Variants in SPIDR observed in about 807,000 individuals in gnomAD.
The protein encoded by SPIDR is DNA repair-scaffolding protein.
SPIDR carries 93 observed loss-of-function variants against 104.6 expected under a neutral mutation model. The observed-to-expected ratio is 0.89, with a 90% confidence interval of 0.75 to 1.06. The LOEUF is 1.06. SPIDR is among the 50% of genes least tolerant of loss of function. The pLI is 0.00. For synonymous variants in SPIDR, 431 were observed against 416.9 expected (o/e 1.03, Z -0.41); for missense variants, 1,154 against 1,111.2 (o/e 1.04, Z -0.55).
At chr8:47,299,214 C>T (rs2041536298) in intron 5 of SPIDR, among the ~76,000 whole-genome samples, 1 of 152,174 alleles carries the variant, frequency 6.6e-6, no homozygotes, top group Non-Finnish European at 1.5e-5. Context: ...CTCTTTGAAG[C>T]AATTGTGAAT....
chr8:47,690,730 A>G (rs1259686858), intron 11 of SPIDR, among the ~76,000 whole-genome samples: 4 of 152,146 alleles, frequency 2.6e-5, no homozygotes, highest in African/African-American at 9.7e-5. Context: ...GAGGCAGGAC[A>G]ATCACTTGAA....
intron 8 of SPIDR, among the ~76,000 whole-genome samples, chr8:47,510,461 C>A (rs2082146896): frequency 6.6e-6 from 1 of 152,004 alleles, no homozygotes; most frequent in Non-Finnish European, 1.5e-5. Context: ...AAATTATGTG[C>A]ATAAAGCATT....
chr8:47,263,574 C>T (rs1272012997), intron 1 of SPIDR, among the ~76,000 whole-genome samples: 4 of 152,234 alleles, frequency 2.6e-5, no homozygotes. Context: ...CCGCCTCGGC[C>T]TCCCAAAGTG....
At chr8:47,711,827 T>C (rs1001980718) in intron 14 of SPIDR, among the ~76,000 whole-genome samples, 2 of 152,342 alleles carry the variant, frequency 1.3e-5, no homozygotes, top group African/African-American at 4.8e-5. Flanking sequence ...ATATTACTTA[T>C]TCATACTTCC....
At position 47,679,033 on chromosome 8, in the gene SPIDR, C is replaced by T. The variant is rs2076781140; in HGVS notation, c.1685+5092C>T. ...TTTAACCCCCTTTTCCCTCACAGGCCAGTCTCATGCTGCACCCTCATTAAG... is the reference window on the plus strand; with the variant it reads ...TTTAACCCCCTTTTCCCTCACAGGCTAGTCTCATGCTGCACCCTCATTAAG... On this transcript the variant is annotated intron_variant, in intron 11 of 19. Transcript: ENST00000297423. 2.6e-5 allele frequency among the ~76,000 whole-genome samples: 4 copies of T among 152,124 alleles called. 1 individual carries two copies. The highest frequency in any genetic ancestry group is 7.2e-5 in the African/African-American group (3 of 41,430).
chr8:47,470,824 T>A (rs2075589758), intron 8 of SPIDR, among the ~76,000 whole-genome samples: 1 of 151,924 alleles, frequency 6.6e-6, no homozygotes, highest in African/African-American at 2.4e-5. Context: ...AAGCTCTGCC[T>A]CCTGGGTTCC....
intron 10 of SPIDR, among the ~76,000 whole-genome samples, chr8:47,608,301 A>G (rs2063210828): frequency 6.6e-6 from 1 of 152,226 alleles, no homozygotes. Context: ...GATGAATAAT[A>G]ATCCATTTTC....
At chr8:47,492,605 G>T (rs1182918916) in intron 8 of SPIDR, among the ~76,000 whole-genome samples, 2 of 151,946 alleles carry the variant, frequency 1.3e-5, no homozygotes, top group Non-Finnish European at 2.9e-5. Flanking sequence ...CTGAATCATT[G>T]CAATGGCCTT....
intron 7 of SPIDR, among the ~76,000 whole-genome samples, chr8:47,424,664 G>A (rs1338420499): frequency 1.3e-5 from 2 of 152,152 alleles, no homozygotes; most frequent in Admixed American, 6.5e-5. Flanking sequence ...TATACAGGAA[G>A]AGAGTAAAGA....
intron 14 of SPIDR, among the ~76,000 whole-genome samples, chr8:47,707,214 T>C (rs1275229261): frequency 1.3e-5 from 2 of 150,284 alleles, no homozygotes; most frequent in East Asian, 2.0e-4. Context: ...GATCGCTCCA[T>C]TGCACTCCAG....
At chr8:47,581,495 T>G (rs1177361748) in intron 8 of SPIDR, among the ~76,000 whole-genome samples, 1 of 152,144 alleles carries the variant, frequency 6.6e-6, no homozygotes, top group Non-Finnish European at 1.5e-5. Flanking sequence ...TTAAAAAATA[T>G]ACACCTGTAG....
chr8:47,277,707 C>T (rs369012183), intron 1 of SPIDR, among the ~76,000 whole-genome samples: 295 of 144,886 alleles, frequency 2.0e-3, no homozygotes, highest in African/African-American at 6.9e-3. Flanking sequence ...AGAGTCTCGC[C>T]TTGTTGCCCA....
intron 8 of SPIDR, among the ~76,000 whole-genome samples, chr8:47,567,438 C>T (rs949715746): frequency 6.6e-6 from 1 of 151,894 alleles, no homozygotes; most frequent in African/African-American, 2.4e-5. Flanking sequence ...AGGCAGGTCT[C>T]GAACTCCCGA....
chr8:47,295,945 G>A (rs1426624805), intron 5 of SPIDR, among the ~76,000 whole-genome samples: 6 of 151,988 alleles, frequency 3.9e-5, no homozygotes, highest in Non-Finnish European at 1.5e-5. Flanking sequence ...ACTCACCAAC[G>A]CTTGTTATCT....
In SPIDR at chr8:47,297,406, G is replaced by A. The variant is rs1554573497; in HGVS notation, c.525+3376G>A. ...TCCTTCTATACATAATGTGTTGACA[G>A]TTTTTATCATGAAATAATTTTGAGT... is the stretch of plus-strand genomic sequence containing the variant. On this transcript the variant is annotated intron_variant, in intron 5 of 19. Transcript: ENST00000297423. Among the ~76,000 whole-genome samples the A allele has an allele frequency of 7.2e-3, 1,099 of 152,096 alleles. 7 individuals carry two copies. The highest frequency in any genetic ancestry group is 0.011 in the Non-Finnish European group (737 of 67,982).
At chr8:47,299,168 A>T (rs2041524709) in intron 5 of SPIDR, among the ~76,000 whole-genome samples, 2 of 152,242 alleles carry the variant, frequency 1.3e-5, no homozygotes, top group Non-Finnish European at 2.9e-5. Context: ...GAGGTCCTTC[A>T]CGTCTCTTGT....
chr8:47,628,463 G>A (rs1012433768), intron 10 of SPIDR, among the ~76,000 whole-genome samples: 19 of 152,290 alleles, frequency 1.2e-4, no homozygotes, highest in African/African-American at 4.3e-4. Flanking sequence ...GCCAAAACTT[G>A]TTGAGCACCA....
chr8:47,406,830 C>T lies in SPIDR; in HGVS notation c.777-1031C>T, dbSNP rs555273982. ...ACGTAATGCTGGAGAAGTTTCTTAACCTCTCTCTAAATTCTGGTTTTATCA... is the reference window on the plus strand; with the variant it reads ...ACGTAATGCTGGAGAAGTTTCTTAATCTCTCTCTAAATTCTGGTTTTATCA... On this transcript the variant is annotated intron_variant, in intron 6 of 19. Transcript: ENST00000297423. Among the ~76,000 whole-genome samples, 13 of 152,254 alleles carry T rather than the reference C, an allele frequency of 8.5e-5. No individual in the cohort carries two copies. In the East Asian group the frequency reaches 1.4e-3, roughly 16 times the overall value.
chr8:47,683,954 G>A (rs112054831), intron 11 of SPIDR, among the ~76,000 whole-genome samples: 2,978 of 151,598 alleles, frequency 0.02, 83 homozygotes, highest in African/African-American at 0.064. Flanking sequence ...ATGAAACCCC[G>A]TCTATACTAA....
Sources: gnomAD v4.1 joint callset for allele counts (sites outside exome capture counted in the v4.1 genomes callset) on GRCh38, gnomAD v4.1.1 for gene constraint, MANE v1.5 for transcripts, NCBI Gene and HGNC (gene_info 2026-07-23, HGNC 2026-07-21) for gene names.